The following LANCL3 variants were observed in gnomAD, a reference collection of about 807,000 sequenced individuals.
The protein encoded by LANCL3 is LanC like family member 3, also known as lanC-like protein 3.
In LANCL3, 19 loss-of-function variants were observed where a neutral mutation model predicts 26.5. The ratio of observed to expected loss-of-function variants is 0.72; its 90% CI spans 0.50 to 1.05. The LOEUF (loss-of-function observed/expected upper bound fraction) is 1.05, where lower values mean the gene tolerates loss of function less well. LANCL3 is among the 50% of genes least tolerant of loss of function. The pLI is 0.00. For synonymous variants in LANCL3, 160 were observed against 166.6 expected (o/e 0.96, Z 0.30); for missense variants, 318 against 362.7 (o/e 0.88, Z 1.00).
At chrX:37,580,041 T>C (rs139708241) in intron 1 of LANCL3, among the ~76,000 whole-genome samples, 133 of 112,001 alleles carry the variant, frequency 1.2e-3, no homozygotes, top group African/African-American at 4.2e-3. Context: ...ACAAAATGCA[T>C]GTGTAGGATT....
intron 1 of LANCL3, among the ~76,000 whole-genome samples, chrX:37,652,156 G>T (rs892251715): frequency 1.3e-4 from 15 of 111,156 alleles, no homozygotes; most frequent in African/African-American, 4.9e-4. Flanking sequence ...GCTGATGGGG[G>T]AGGGGCAGGA....
At chrX:37,617,844 A>G (rs936489746) in intron 1 of LANCL3, among the ~76,000 whole-genome samples, 1 of 111,922 alleles carries the variant, frequency 8.9e-6, no homozygotes, top group Non-Finnish European at 1.9e-5. Flanking sequence ...AATGATTACT[A>G]GATGAGTTTG....
chrX:37,649,209 G>T (rs1185966531), intron 1 of LANCL3, among the ~76,000 whole-genome samples: 1 of 112,017 alleles, frequency 8.9e-6, no homozygotes, highest in Non-Finnish European at 1.9e-5. Context: ...CAACCCAAAT[G>T]CCCATCAATG....
intron 3 of LANCL3, among the ~76,000 whole-genome samples, chrX:37,660,073 A>G (rs191536901): frequency 1.8e-5 from 2 of 111,822 alleles, no homozygotes; most frequent in Admixed American, 1.9e-4. Context: ...CACATTTTAA[A>G]AAGTATTCAG....
chrX:37,659,423 C>T (rs782545601), intron 2 of LANCL3, 39 bp from the exon 3 acceptor site: 1 of 1,052,672 alleles, frequency 9.5e-7, no homozygotes, highest in South Asian at 1.9e-5. Flanking sequence ...TAGCTGTCCT[C>T]CCAATTGTGT....
intron 1 of LANCL3, among the ~76,000 whole-genome samples, chrX:37,627,640 G>A (rs1556423279): frequency 9.0e-6 from 1 of 111,675 alleles, no homozygotes; most frequent in Non-Finnish European, 1.9e-5. Flanking sequence ...TAAGAGGAAA[G>A]CACACAGTAA....
At chrX:37,576,608 G>A (rs1235025673) in intron 1 of LANCL3, among the ~76,000 whole-genome samples, 3 of 111,778 alleles carry the variant, frequency 2.7e-5, no homozygotes, top group African/African-American at 9.8e-5. Flanking sequence ...TTCAGTAAAT[G>A]TCAGGTTTCT....
At chrX:37,618,804 TTATATTCACAAG>T (rs1313595467) in intron 1 of LANCL3, among the ~76,000 whole-genome samples, 2 of 112,121 alleles carry the variant, frequency 1.8e-5, no homozygotes, top group Non-Finnish European at 3.8e-5. Context: ...TCGAATAAAG[TTATATTCACAAG>T]TACTAGAGGT....
Position 37,678,661 on chromosome X carries a change from C to G in LANCL3, c.*2848C>G, listed in dbSNP as rs1227237184. On this transcript the variant is annotated 3_prime_UTR_variant, in exon 5 of 5. Coordinates refer to ENST00000378619, the MANE Select transcript of LANCL3 (RefSeq NM_001170331.2). ...ATTATACATTTTTATTTTGCCCAAG[C>G]CTGTTTCAGTCATCAGTTTGTAGTC... The G allele has an allele frequency of 2.7e-5, 3 of 111,458 alleles. No individual in the cohort carries two copies. In the Admixed American group the frequency reaches 2.9e-4, roughly 11 times the overall value. 9.2% of individuals were successfully genotyped at this position (111,458 alleles called of 1,213,427 possible).
At chrX:37,675,401 A>G (rs1428021714) in intron 4 of LANCL3, among the ~76,000 whole-genome samples, 1 of 112,447 alleles carries the variant, frequency 8.9e-6, no homozygotes, top group Non-Finnish European at 1.9e-5. Context: ...ATCCTTGAAA[A>G]TTCCAAACTG....
Position 37,621,176 on chromosome X carries a change from T to TC in LANCL3, c.574-34511dup, listed in dbSNP as rs1220844736. 2.7e-5 allele frequency among the ~76,000 whole-genome samples: 3 copies of TC among 112,553 alleles called. No homozygotes were observed. The Admixed American group carries it at 2.8e-4, about 11-fold the overall frequency. Reference sequence around the variant, plus strand: ...CAGTAACAAGATACTTTGTCCTTTTTCATCATTACTTAGCTCCTCAGTTTG... The same window carrying TC: ...CAGTAACAAGATACTTTGTCCTTTTTCCATCATTACTTAGCTCCTCAGTTTG... On this transcript the variant is annotated intron_variant, in intron 1 of 4. Transcript: ENST00000378619.
At chrX:37,625,663 G>A (rs1454351230) in intron 1 of LANCL3, among the ~76,000 whole-genome samples, 2 of 110,979 alleles carry the variant, frequency 1.8e-5, no homozygotes, top group African/African-American at 6.6e-5. Flanking sequence ...ATGTTACACG[G>A]TTCTGGCTAA....
At chrX:37,647,063 C>T (rs1421476067) in intron 1 of LANCL3, among the ~76,000 whole-genome samples, 1 of 111,785 alleles carries the variant, frequency 8.9e-6, no homozygotes, top group Non-Finnish European at 1.9e-5. Flanking sequence ...ACCTGTAATC[C>T]CAGCACTTTG....
intron 1 of LANCL3, among the ~76,000 whole-genome samples, chrX:37,583,451 A>G (rs1238771305): frequency 1.8e-5 from 2 of 112,053 alleles, no homozygotes; most frequent in East Asian, 5.5e-4. Context: ...ATCCATGAGC[A>G]TGGAATGTTC....
At chrX:37,579,323 C>T (rs1173201328) in intron 1 of LANCL3, among the ~76,000 whole-genome samples, 2 of 111,448 alleles carry the variant, frequency 1.8e-5, no homozygotes, top group Non-Finnish European at 3.8e-5. Context: ...AGTAGTCCCA[C>T]CGTATCTGCC....
intron 1 of LANCL3, among the ~76,000 whole-genome samples, chrX:37,582,559 C>G (rs1923929059): frequency 8.9e-6 from 1 of 112,021 alleles, no homozygotes; most frequent in Non-Finnish European, 1.9e-5. Context: ...TTTCATGTGT[C>G]TTTTGGCTGC....
chrX:37,651,606 G>GTT (rs782033247), intron 1 of LANCL3, among the ~76,000 whole-genome samples: 1 of 104,585 alleles, frequency 9.6e-6, no homozygotes. Context: ...GTTTTTGCAA[G>GTT]TTTTTTTTTT....
chrX:37,644,575 A>G (rs782804963), intron 1 of LANCL3, among the ~76,000 whole-genome samples: 4 of 111,554 alleles, frequency 3.6e-5, no homozygotes, highest in African/African-American at 1.3e-4. Context: ...GATGGCATTT[A>G]GTAGACTTCT....
chrX:37,596,832 C>T (rs1421557771), intron 1 of LANCL3, among the ~76,000 whole-genome samples: 2 of 112,097 alleles, frequency 1.8e-5, no homozygotes, highest in Admixed American at 9.5e-5. Flanking sequence ...TGAGATATAA[C>T]TTATATATCA....
Sources: gnomAD v4.1 joint callset for allele counts (sites outside exome capture counted in the v4.1 genomes callset) on GRCh38, gnomAD v4.1.1 for gene constraint, MANE v1.5 for transcripts, NCBI Gene and HGNC (gene_info 2026-07-23, HGNC 2026-07-21) for gene names.